The following HS6ST2 variants were observed in gnomAD, a reference collection of about 807,000 sequenced individuals.
HS6ST2 encodes heparan-sulfate 6-O-sulfotransferase 2.
Under a neutral mutation model 33.0 loss-of-function variants are expected in HS6ST2, and 17 were observed. The ratio of observed to expected loss-of-function variants is 0.52; its 90% CI spans 0.35 to 0.77. HS6ST2 has a LOEUF of 0.77. Ranked by LOEUF, HS6ST2 falls within the 30% of genes least tolerant of loss-of-function variation. The pLI is 0.01. For synonymous variants in HS6ST2, 248 were observed against 237.1 expected, an observed-to-expected ratio of 1.05 and a Z score of -0.42; for missense variants, 519 against 551.7, an observed-to-expected ratio of 0.94 and a Z score of 0.59.
At chrX:132,851,617 A>T (rs1421969727) in intron 2 of HS6ST2, among the ~76,000 whole-genome samples, 1 of 112,342 alleles carries the variant, frequency 8.9e-6, no homozygotes, top group Non-Finnish European at 1.9e-5. Context: ...TAAATATCAC[A>T]TCATAAATTG....
chrX:132,729,726 A>G (rs1198017495), intron 2 of HS6ST2, among the ~76,000 whole-genome samples: 3 of 111,887 alleles, frequency 2.7e-5, no homozygotes, highest in Non-Finnish European at 3.8e-5. Context: ...AATAGGTACT[A>G]TTGTTCTTTT....
At chrX:132,785,591 G>A (rs1052233236) in intron 2 of HS6ST2, among the ~76,000 whole-genome samples, 1 of 111,739 alleles carries the variant, frequency 8.9e-6, no homozygotes, top group African/African-American at 3.3e-5. Flanking sequence ...TGGACACTTG[G>A]AGGATGGCTT....
intron 2 of HS6ST2, among the ~76,000 whole-genome samples, chrX:132,905,619 T>C (rs986256371): frequency 1.8e-5 from 2 of 112,168 alleles, no homozygotes; most frequent in Admixed American, 1.9e-4. Flanking sequence ...TTATTTATTA[T>C]AGCCTGACAT....
At chrX:132,946,172 T>C (rs894759072) in intron 2 of HS6ST2, among the ~76,000 whole-genome samples, 1 of 111,890 alleles carries the variant, frequency 8.9e-6, no homozygotes, top group East Asian at 2.8e-4. Flanking sequence ...ACACTGTTGG[T>C]GGGTCTGTAA....
At chrX:132,771,898 T>C (rs1250560329) in intron 2 of HS6ST2, among the ~76,000 whole-genome samples, 1 of 112,057 alleles carries the variant, frequency 8.9e-6, no homozygotes, top group Non-Finnish European at 1.9e-5. Flanking sequence ...TTTGATCTCC[T>C]CTTTGATGTG....
At chrX:132,852,703 G>A (rs1262384581) in intron 2 of HS6ST2, among the ~76,000 whole-genome samples, 1 of 112,180 alleles carries the variant, frequency 8.9e-6, no homozygotes, top group Non-Finnish European at 1.9e-5. Flanking sequence ...TGAGCCTAGG[G>A]ACCCATCCCT....
At chrX:132,686,351 C>T (rs1019468598) in intron 3 of HS6ST2, among the ~76,000 whole-genome samples, 3 of 111,952 alleles carry the variant, frequency 2.7e-5, no homozygotes, top group Non-Finnish European at 5.6e-5. Context: ...AAACTTTGGC[C>T]CTTTGATTGC....
chrX:132,673,046 C>T (rs2063896498), intron 3 of HS6ST2, among the ~76,000 whole-genome samples: 1 of 112,051 alleles, frequency 8.9e-6, no homozygotes, highest in Non-Finnish European at 1.9e-5. Context: ...AATAGTTGTG[C>T]TGATACAACT....
chrX:132,868,163 C>A (rs1336338002), intron 2 of HS6ST2, among the ~76,000 whole-genome samples: 1 of 111,236 alleles, frequency 9.0e-6, no homozygotes, highest in Non-Finnish European at 1.9e-5. Context: ...GACTTTAAAC[C>A]AACAAAGATC....
intron 4 of HS6ST2, among the ~76,000 whole-genome samples, chrX:132,639,114 C>T: frequency 8.9e-6 from 1 of 112,019 alleles, no homozygotes. Flanking sequence ...ATTTCTAATG[C>T]CTTTGAATTC....
At chrX:132,788,521 A>G (rs1162564293) in intron 2 of HS6ST2, among the ~76,000 whole-genome samples, 1 of 111,706 alleles carries the variant, frequency 9.0e-6, no homozygotes, top group African/African-American at 3.3e-5. Context: ...CTACCCTACA[A>G]TGGTCTCTAA....
intron 3 of HS6ST2, among the ~76,000 whole-genome samples, chrX:132,702,978 T>C (rs886735617): frequency 4.5e-5 from 5 of 112,038 alleles, no homozygotes; most frequent in African/African-American, 1.6e-4. Context: ...ACCATGAGAA[T>C]AAAGGCATTT....
In HS6ST2 at chrX:132,626,480, T is replaced by C. The variant is rs1461019412; in HGVS notation, c.*1743A>G. 1.8e-5 allele frequency: 2 copies of C among 112,372 alleles called. No homozygotes were observed. Among genetic ancestry groups the C allele is most frequent in the Non-Finnish European group, 3.8e-5 (2 of 53,290 alleles). The allele number at this position is 112,372 out of a possible 1,213,427, so 9.3% of individuals were successfully genotyped here. On this transcript the variant is annotated 3_prime_UTR_variant, in exon 5 of 5. Transcript: ENST00000370833. The stretch of plus-strand genomic sequence containing the variant: ...TTTTAGCTCTCAGGATTTTCAAGAC[T>C]GCAATACTGTCAGACAAAACAAAAG...
intron 2 of HS6ST2, among the ~76,000 whole-genome samples, chrX:132,869,372 T>C (rs1047402704): frequency 8.9e-6 from 1 of 111,936 alleles, no homozygotes; most frequent in Non-Finnish European, 1.9e-5. Flanking sequence ...TCTGAAACTA[T>C]TCCAATCAAT....
At chrX:132,798,646 A>G (rs1439487396) in intron 2 of HS6ST2, among the ~76,000 whole-genome samples, 1 of 111,928 alleles carries the variant, frequency 8.9e-6, no homozygotes, top group African/African-American at 3.2e-5. Context: ...ACTCTACAGA[A>G]TACATCTTTT....
intron 2 of HS6ST2, among the ~76,000 whole-genome samples, chrX:132,884,108 C>T (rs7062452): frequency 0.32 from 34,963 of 109,793 alleles, 4,364 homozygotes; most frequent in African/African-American, 0.39. Flanking sequence ...ATGGGAAGTA[C>T]GAAGGAGAAT....
At chrX:132,810,447 CAGAA>C (rs770722651) in intron 2 of HS6ST2, among the ~76,000 whole-genome samples, 2 of 108,828 alleles carry the variant, frequency 1.8e-5, no homozygotes, top group South Asian at 8.2e-4. Context: ...AAGAGAGAGA[CAGAA>C]AGAGAGAAAG....
chrX:132,657,153 T>C (rs1488078383), intron 4 of HS6ST2, among the ~76,000 whole-genome samples: 1 of 110,987 alleles, frequency 9.0e-6, no homozygotes, highest in East Asian at 2.8e-4. Flanking sequence ...CCTTGTCCAT[T>C]GTAGGCATTC....
chrX:132,777,530 A>G (rs1468783800), intron 2 of HS6ST2, among the ~76,000 whole-genome samples: 1 of 109,585 alleles, frequency 9.1e-6, no homozygotes, highest in Non-Finnish European at 1.9e-5. Context: ...TCTAGGATTC[A>G]GGCGATTCTC....
Sources: gnomAD v4.1 joint callset for allele counts (sites outside exome capture counted in the v4.1 genomes callset) on GRCh38, gnomAD v4.1.1 for gene constraint, MANE v1.5 for transcripts, NCBI Gene and HGNC (gene_info 2026-07-23, HGNC 2026-07-21) for gene names.